The following NUP107 variants were observed in gnomAD, a reference collection of about 807,000 sequenced individuals.
NUP107 encodes the protein nuclear pore complex protein Nup107.
A neutral mutation model predicts 141.0 loss-of-function variants in NUP107; 101 were observed. That is an observed-to-expected ratio of 0.72 (90% CI 0.61 to 0.84). The LOEUF (loss-of-function observed/expected upper bound fraction) is 0.84, where lower values mean the gene tolerates loss of function less well. Among genes scored for constraint, NUP107 ranks in the 40% least tolerant of loss-of-function variants. The pLI is 0.00. For missense variants in NUP107, 941 were observed against 1,102.7 expected, an observed-to-expected ratio of 0.85 and a Z score of 2.08; for synonymous variants, 319 against 363.9, an observed-to-expected ratio of 0.88 and a Z score of 1.41.
chr12:68,728,285 CAA>C (rs553304592), intron 20 of NUP107, among the ~76,000 whole-genome samples: 54 of 84,440 alleles, frequency 6.4e-4, no homozygotes, highest in East Asian at 3.1e-3. Context: ...GAGACCATCT[CAA>C]AAAAAAAAAA....
In NUP107 at chr12:68,713,747, C is replaced by T. The variant is rs199987487; in HGVS notation, c.908C>T (p.Thr303Ile). The T allele has an allele frequency of 6.2e-6, 10 of 1,607,174 alleles. No individual in the cohort carries two copies. The highest frequency in any genetic ancestry group is 8.5e-6 in the Non-Finnish European group (10 of 1,177,696). The change falls in exon 11 of 28, where the codon ACC (threonine) becomes ATC (isoleucine). Residue 303 changes from threonine (T) to isoleucine (I), a missense_variant. Thr to Ile is a moderately conservative substitution (Grantham distance 89). Coordinates refer to ENST00000229179, the MANE Select transcript of NUP107 (RefSeq NM_020401.4). ...TCTTTCAGGGAAAATACTCTGCATA[C>T]CTTAAAACAACGGCAGCTGACTTCT... Reference protein sequence around the residue: ...KSVYWENTLHTLKQRQLTSYV... With the variant: ...KSVYWENTLHILKQRQLTSYV...
intron 9 of NUP107, 72 bp downstream of exon 9, chr12:68,709,381 T>A (rs1876741158): frequency 1.2e-6 from 1 of 830,364 alleles, no homozygotes; most frequent in Middle Eastern, 2.8e-4. Context: ...AGTACTGAAG[T>A]GTTTTTTAAC....
intron 12 of NUP107, among the ~76,000 whole-genome samples, chr12:68,718,886 G>GTATT (rs1199687041): frequency 6.6e-6 from 1 of 150,996 alleles, no homozygotes; most frequent in African/African-American, 2.4e-5. Flanking sequence ...ATGTATGTAT[G>GTATT]TATGTATTTA....
At chr12:68,688,906 C>G in intron 1 of NUP107, 56 bp from the exon 2 acceptor site, 1 of 1,333,138 alleles carries the variant, frequency 7.5e-7, no homozygotes, top group South Asian at 1.2e-5. Context: ...TGATAAAATT[C>G]TTTATAAATG....
At chr12:68,704,679 T>C (rs1402088155) in intron 8 of NUP107, among the ~76,000 whole-genome samples, 1 of 152,090 alleles carries the variant, frequency 6.6e-6, no homozygotes, top group Non-Finnish European at 1.5e-5. Context: ...GGTCTTGAAC[T>C]CCTAGCTTCA....
chr12:68,706,708 G>A, intron 8 of NUP107: 2 of 751,278 alleles, frequency 2.7e-6, no homozygotes, highest in Non-Finnish European at 5.0e-6. Context: ...GAGGTGGGCG[G>A]GCCAAGCAGG....
In NUP107 at chr12:68,725,754, T is replaced by C. The variant is rs1449161957; in HGVS notation, c.1534T>C (p.Tyr512His). ...AGTTCTGGAAGAGAATCAAGAACATTATCATATAGTTCAAAAGTTTCTTAT... is the reference window on the plus strand; with the variant it reads ...AGTTCTGGAAGAGAATCAAGAACATCATCATATAGTTCAAAAGTTTCTTAT... ...KRVLEENQEHYHIVQKFLILG... is the reference protein window; with the variant it reads ...KRVLEENQEHHHIVQKFLILG... The change falls in exon 18 of 28, where the codon TAT becomes CAT. Residue 512 changes from tyrosine to histidine, a missense_variant. By Grantham distance (83) the Tyr-to-His change is moderately conservative. Coordinates refer to ENST00000229179, the MANE Select transcript of NUP107 (RefSeq NM_020401.4). 6.5e-7 allele frequency: 1 copy of C among 1,533,240 alleles called. No homozygotes were observed. The highest frequency in any genetic ancestry group is 2.3e-5 in the East Asian group (1 of 44,036). The allele number at this position is 1,533,240 out of a possible 1,614,324, so 95.0% of individuals were successfully genotyped here.
At chr12:68,706,980 G>T in intron 8 of NUP107, 2 of 637,788 alleles carry the variant, frequency 3.1e-6, no homozygotes, top group South Asian at 3.6e-5. Flanking sequence ...AGTTCCTTCA[G>T]CTGCACCAGC....
intron 19 of NUP107, among the ~76,000 whole-genome samples, chr12:68,727,083 G>A (rs963472307): frequency 1.3e-5 from 2 of 152,178 alleles, no homozygotes; most frequent in Admixed American, 6.5e-5. Flanking sequence ...GCTTCTATCT[G>A]TGTAACTCTG....
intron 26 of NUP107, among the ~76,000 whole-genome samples, chr12:68,737,847 A>T (rs1878142578): frequency 1.3e-5 from 2 of 152,200 alleles, no homozygotes; most frequent in South Asian, 4.1e-4. Context: ...TGAATTAGAA[A>T]ATTGTAATTC....
intron 24 of NUP107, among the ~76,000 whole-genome samples, chr12:68,733,983 A>T (rs1008040273): frequency 1.3e-5 from 2 of 152,174 alleles, no homozygotes; most frequent in African/African-American, 4.8e-5. Flanking sequence ...TTCAAAATTC[A>T]TTCAAGGCTA....
intron 24 of NUP107, 97 bp from the exon 25 acceptor site, chr12:68,734,611 A>G (rs900291384): frequency 1.0e-6 from 1 of 984,420 alleles, no homozygotes; most frequent in Admixed American, 3.1e-5. Context: ...ATGCTGCAAA[A>G]TTATTTCTAA....
chr12:68,708,710 C>T (rs1372279724), intron 8 of NUP107, among the ~76,000 whole-genome samples: 1 of 151,926 alleles, frequency 6.6e-6, no homozygotes, highest in Non-Finnish European at 1.5e-5. Flanking sequence ...ACCTCTGCCT[C>T]GTGGGTTCAA....
At chr12:68,729,444 T>A (rs1311610875) in intron 20 of NUP107, among the ~76,000 whole-genome samples, 1 of 148,282 alleles carries the variant, frequency 6.7e-6, no homozygotes, top group Non-Finnish European at 1.5e-5. Context: ...TTATTTTTTA[T>A]TTTTTTTTTT....
chr12:68,731,566 T>C, intron 21 of NUP107, 41 bp from the exon 22 acceptor site: 1 of 1,164,208 alleles, frequency 8.6e-7, no homozygotes, highest in Non-Finnish European at 1.2e-6. Context: ...TTAGTATCAA[T>C]GATTAATCTT....
At chr12:68,730,214 C>T (rs1414809853) in intron 20 of NUP107, among the ~76,000 whole-genome samples, 4 of 85,372 alleles carry the variant, frequency 4.7e-5, no homozygotes, top group Non-Finnish European at 6.6e-5. Context: ...GTGATACTAC[C>T]TTTTTTTTTT....
chr12:68,706,693 A>G (rs1277683259), intron 8 of NUP107: 6 of 745,388 alleles, frequency 8.0e-6, no homozygotes, highest in Non-Finnish European at 1.5e-5. Flanking sequence ...AAGCTGTCCA[A>G]GCTGGAGGTG....
chr12:68,697,691 C>T (rs754182712), intron 6 of NUP107, among the ~76,000 whole-genome samples: 1 of 152,068 alleles, frequency 6.6e-6, no homozygotes, highest in African/African-American at 2.4e-5. Context: ...AAGATGGGAA[C>T]AGGCACCTCA....
At position 68,743,166 on chromosome 12, in the gene NUP107, G is replaced by C. The variant is rs1194687237; in HGVS notation, c.*704G>C. The C allele has an allele frequency of 6.6e-6, 1 of 152,286 alleles. No individual in the cohort carries two copies. Among genetic ancestry groups the C allele is most frequent in the East Asian group, 1.9e-4 (1 of 5,202 alleles). 9.4% of individuals were successfully genotyped at this position (152,286 alleles called of 1,614,324 possible). A position where few individuals can be genotyped will look rare whatever the true frequency, so the allele number is the denominator to read the frequency against. Reference sequence around the variant, plus strand: ...TAACCCCAGCACTTCGGGAGGCCGAGGCAGGTGGATCACCTGTCGTCAGGA... The same window carrying C: ...TAACCCCAGCACTTCGGGAGGCCGACGCAGGTGGATCACCTGTCGTCAGGA... On this transcript the variant is annotated 3_prime_UTR_variant, in exon 28 of 28. Transcript: ENST00000229179.
Sources: allele counts gnomAD v4.1 joint callset (sites outside exome capture counted in the v4.1 genomes callset), GRCh38; gene constraint gnomAD v4.1.1; transcripts MANE v1.5; gene names NCBI Gene and HGNC (gene_info 2026-07-23, HGNC 2026-07-21).